DPP6: variants seen among roughly 807,000 people sequenced by gnomAD.
DPP6 encodes the protein dipeptidyl peptidase like 6, also known as A-type potassium channel modulatory protein DPP6.
A neutral mutation model predicts 122.6 loss-of-function variants in DPP6; 69 were observed. The observed-to-expected ratio is 0.56, with a 90% confidence interval of 0.46 to 0.69. The LOEUF is 0.69. DPP6 is among the 30% of genes least tolerant of loss of function. DPP6 has a pLI of 0.00. For synonymous variants in DPP6, 418 were observed against 433.1 expected (o/e 0.97, Z 0.43); for missense variants, 928 against 1,116.9 (o/e 0.83, Z 2.41).
At position 154,637,267 on chromosome 7, in the gene DPP6, C is replaced by CT. The variant is rs1260032513; in HGVS notation, c.628-548dup. On this transcript the variant is annotated intron_variant, in intron 5 of 25. Coordinates refer to ENST00000377770, the MANE Select transcript of DPP6 (RefSeq NM_130797.4). ...TAAAGCCGTGATACTTCCAACTGCCCTTTTTTCAGTAAGTTCTTGTTGACT... is the reference window on the plus strand; with the variant it reads ...TAAAGCCGTGATACTTCCAACTGCCCTTTTTTTCAGTAAGTTCTTGTTGACT... Among the ~76,000 whole-genome samples the CT allele has an allele frequency of 1.4e-4, 22 of 152,268 alleles. No homozygotes were observed. The South Asian group carries it at 2.3e-3, about 16-fold the overall frequency.
chr7:154,660,167 C>T (rs1466172976), intron 6 of DPP6, among the ~76,000 whole-genome samples: 1 of 152,272 alleles, frequency 6.6e-6, no homozygotes, highest in Non-Finnish European at 1.5e-5. Context: ...TAGTGAATCA[C>T]CATCGCATAT....
In DPP6 at chr7:154,760,234, G is replaced by A. The variant is rs186311366; in HGVS notation, c.884-9183G>A. On this transcript the variant is annotated intron_variant, in intron 8 of 25. Coordinates refer to ENST00000377770, the MANE Select transcript of DPP6 (RefSeq NM_130797.4). The surrounding 1 kb of genome is among the most constrained non-coding windows in gnomAD (Gnocchi z 4.5). ...TTTAAAGGAAAAGGATTCAGCAGGC[G>A]GATTCTGGGATTAGCAGGTGATTGG... 8.5e-5 allele frequency among the ~76,000 whole-genome samples: 13 copies of A among 152,322 alleles called. 1 individual carries two copies. Among genetic ancestry groups the A allele is most frequent in the Middle Eastern group, 3.4e-3 (1 of 294 alleles).
intron 10 of DPP6, among the ~76,000 whole-genome samples, chr7:154,776,199 T>TAGATAGATA (rs1554463870): frequency 4.7e-5 from 7 of 148,560 alleles, no homozygotes; most frequent in African/African-American, 1.5e-4. Context: ...CCATGATAGA[T>TAGATAGATA]GATAGATAGA....
At chr7:154,664,441 G>C (rs565559552) in intron 6 of DPP6, among the ~76,000 whole-genome samples, 1 of 152,272 alleles carries the variant, frequency 6.6e-6, no homozygotes, top group Admixed American at 6.5e-5. Flanking sequence ...ATTAAGTAAG[G>C]CAATGGAGTT....
At chr7:154,677,223 A>G (rs1232178019) in intron 7 of DPP6, among the ~76,000 whole-genome samples, 2 of 152,100 alleles carry the variant, frequency 1.3e-5, no homozygotes, top group Admixed American at 1.3e-4. Flanking sequence ...TATTCCAAGG[A>G]TAGCTGTTTT....
intron 8 of DPP6, among the ~76,000 whole-genome samples, chr7:154,731,203 G>C (rs200328518): frequency 6.6e-6 from 1 of 152,130 alleles, no homozygotes; most frequent in Non-Finnish European, 1.5e-5. Context: ...GTTAGGGGGT[G>C]GGGGGAGATT....
At chr7:154,024,397 T>G (rs1179381711) in intron 1 of DPP6, among the ~76,000 whole-genome samples, 1 of 152,184 alleles carries the variant, frequency 6.6e-6, no homozygotes, top group Non-Finnish European at 1.5e-5. Flanking sequence ...ACTTAAAGAC[T>G]GGGCTTGTTG....
intron 4 of DPP6, among the ~76,000 whole-genome samples, chr7:154,545,790 T>G (rs1829137700): frequency 6.6e-6 from 1 of 152,208 alleles, no homozygotes. Flanking sequence ...TTCTCTGGCT[T>G]AACCTCCACT....
intron 1 of DPP6, among the ~76,000 whole-genome samples, chr7:153,943,393 A>G (rs1000606614): frequency 2.6e-5 from 4 of 152,208 alleles, no homozygotes; most frequent in African/African-American, 9.7e-5. Flanking sequence ...TCAATTCGGT[A>G]CTTGAGTCCT....
intron 1 of DPP6, among the ~76,000 whole-genome samples, chr7:154,074,969 T>C (rs934506334): frequency 2.4e-4 from 36 of 150,060 alleles, no homozygotes; most frequent in African/African-American, 8.1e-4. Flanking sequence ...AAAAAACAAA[T>C]AATCCCATCA....
chr7:154,051,060 G>A (rs1200947991), upstream of DPP6, among the ~76,000 whole-genome samples: 38 of 126,736 alleles, frequency 3.0e-4, 10 homozygotes, highest in Non-Finnish European at 4.9e-4. Context: ...TCTGGGCTTG[G>A]GGCAATGCCA....
intron 1 of DPP6, among the ~76,000 whole-genome samples, chr7:154,444,785 G>T (rs1563682438): frequency 6.6e-6 from 1 of 152,188 alleles, no homozygotes; most frequent in Non-Finnish European, 1.5e-5. Context: ...CTTATCCTTG[G>T]CCCTGGCCAG....
intron 1 of DPP6, among the ~76,000 whole-genome samples, chr7:154,004,646 T>TA (rs536429346): frequency 6.0e-5 from 9 of 151,200 alleles, no homozygotes; most frequent in Non-Finnish European, 1.2e-4. Context: ...GAATTTTTTT[T>TA]AAAAGAATGT....
At chr7:154,409,139 G>A (rs900595087) in intron 1 of DPP6, among the ~76,000 whole-genome samples, 3 of 152,128 alleles carry the variant, frequency 2.0e-5, no homozygotes, top group African/African-American at 4.8e-5. Flanking sequence ...GTGAGACCCT[G>A]CCAATTTATA....
At chr7:154,692,471 TC>T in intron 7 of DPP6, among the ~76,000 whole-genome samples, 1 of 152,310 alleles carries the variant, frequency 6.6e-6, no homozygotes, top group African/African-American at 2.4e-5. Flanking sequence ...TGACTTTCCT[TC>T]CTCATGTGAG....
chr7:154,026,306 C>A (rs1319853460), intron 1 of DPP6: 1 of 151,850 alleles, frequency 6.6e-6, no homozygotes, highest in Non-Finnish European at 1.5e-5. Flanking sequence ...CTGGACTCTG[C>A]CCCATGTACC....
the DPP6 span, among the ~76,000 whole-genome samples, chr7:153,877,029 T>C: frequency 2.0e-5 from 3 of 152,070 alleles, no homozygotes; most frequent in South Asian, 2.1e-4. Flanking sequence ...GGTGAGTGAA[T>C]GTGAAGGTCT....
chr7:154,083,267 AGGAAGCCCTCCTTGCAGAAGCCCAT>A (rs1348512400), intron 1 of DPP6, among the ~76,000 whole-genome samples: 20 of 152,216 alleles, frequency 1.3e-4, no homozygotes, highest in South Asian at 2.1e-4. Flanking sequence ...CTAAGGGATG[AGGAAGCCCTCCTTGCAGAAGCCCAT>A]GGAAGCCCTC....
chr7:154,110,671 A>G (rs1024991956), intron 1 of DPP6, among the ~76,000 whole-genome samples: 6 of 152,024 alleles, frequency 3.9e-5, no homozygotes, highest in African/African-American at 1.2e-4. Flanking sequence ...GCCAGCCCCA[A>G]CTGATGTGTA....
Sources: allele counts gnomAD v4.1 joint callset (sites outside exome capture counted in the v4.1 genomes callset), GRCh38; gene constraint gnomAD v4.1.1; non-coding constraint Gnocchi (gnomAD v3.1); transcripts MANE v1.5; gene names NCBI Gene and HGNC (gene_info 2026-07-23, HGNC 2026-07-21).